TAF2: variants seen among roughly 807,000 people sequenced by gnomAD.
TAF2 encodes the protein transcription initiation factor TFIID subunit 2.
Under a neutral mutation model 138.5 loss-of-function variants are expected in TAF2, and 61 were observed. That is an observed-to-expected ratio of 0.44 (90% confidence interval 0.36 to 0.54). The LOEUF is 0.54. Among genes scored for constraint, TAF2 ranks in the 20% least tolerant of loss-of-function variants. The probability of loss-of-function intolerance (pLI) is 0.00; values close to 1 mark genes in which losing one functional copy is unlikely to be tolerated. For missense variants in TAF2, 1,090 were observed against 1,427.9 expected (o/e 0.76, Z 3.81); for synonymous variants, 475 against 469.9 (o/e 1.01, Z -0.14).
intron 19 of TAF2, 46 bp from the exon 20 acceptor site, chr8:119,760,784 T>C: frequency 6.2e-7 from 1 of 1,611,448 alleles, no homozygotes; most frequent in Non-Finnish European, 8.5e-7. Context: ...TGAGGTATTA[T>C]GAATCAGTTT....
chr8:119,764,466 G>A (rs1821292253), intron 18 of TAF2, among the ~76,000 whole-genome samples: 1 of 152,162 alleles, frequency 6.6e-6, no homozygotes, highest in Non-Finnish European at 1.5e-5. Context: ...ACCAGTGTGT[G>A]CCACACAAAA....
rs564865891 is a variant in TAF2, at chr8:119,768,465, T to C, written c.2365-5857A>G. Among the ~76,000 whole-genome samples, 12 of 147,372 alleles carry C rather than the reference T, an allele frequency of 8.1e-5. No individual in the cohort carries two copies. In the East Asian group the frequency reaches 1.8e-3, roughly 23 times the overall value. On this transcript the variant is annotated intron_variant, in intron 18 of 25. Coordinates refer to ENST00000378164, the MANE Select transcript of TAF2 (RefSeq NM_003184.4). ...CTCCTTCCTCTACCTATTGAAAAAC[T>C]CCTTATTTTTTCCTCTTGGTATTGA...
intron 3 of TAF2, among the ~76,000 whole-genome samples, chr8:119,807,390 A>G (rs1824732698): frequency 6.6e-6 from 1 of 152,236 alleles, no homozygotes; most frequent in African/African-American, 2.4e-5. Context: ...AAAGCAACTT[A>G]TATGTGTACA....
intron 18 of TAF2, among the ~76,000 whole-genome samples, chr8:119,776,871 C>T (rs1320411308): frequency 1.3e-5 from 2 of 150,246 alleles, no homozygotes; most frequent in African/African-American, 4.8e-5. Flanking sequence ...GAGTCTCTCC[C>T]TACATCCTTC....
At chr8:119,804,053 A>C in intron 4 of TAF2, 34 bp from the exon 5 acceptor site, 1 of 1,611,970 alleles carries the variant, frequency 6.2e-7, no homozygotes, top group Non-Finnish European at 8.5e-7. Context: ...ACATTGATAC[A>C]TAAGTTACAG....
intron 6 of TAF2, among the ~76,000 whole-genome samples, chr8:119,799,159 A>G (rs1008011525): frequency 6.7e-6 from 1 of 149,638 alleles, no homozygotes; most frequent in African/African-American, 2.5e-5. Context: ...AAATTTTTTT[A>G]TATTATCATT....
At chr8:119,779,494 G>A (rs1317808501) in intron 17 of TAF2, among the ~76,000 whole-genome samples, 1 of 152,086 alleles carries the variant, frequency 6.6e-6, no homozygotes, top group Non-Finnish European at 1.5e-5. Flanking sequence ...ATATCAGGTG[G>A]ACACAGAAAT....
chr8:119,739,788 G>A (rs919968083), intron 25 of TAF2, among the ~76,000 whole-genome samples: 10 of 150,214 alleles, frequency 6.7e-5, no homozygotes, highest in Admixed American at 1.3e-4. Context: ...GAGATCACAC[G>A]CCTTACTAAA....
At chr8:119,828,053 T>C (rs1826214906) in intron 2 of TAF2, among the ~76,000 whole-genome samples, 2 of 152,138 alleles carry the variant, frequency 1.3e-5, no homozygotes, top group Non-Finnish European at 2.9e-5. Flanking sequence ...AATTCTTGTA[T>C]TTTTAGTAGA....
intron 18 of TAF2, among the ~76,000 whole-genome samples, chr8:119,771,197 T>C (rs1336844848): frequency 6.6e-6 from 1 of 152,118 alleles, no homozygotes; most frequent in Non-Finnish European, 1.5e-5. Context: ...GAAAAAGATA[T>C]ACTACGCAAA....
In TAF2 at chr8:119,730,908, T is replaced by C. The variant is rs1381879286; in HGVS notation, c.*1016A>G. ...AAAATTGAACAGATATAAAAAATAT[T>C]CTTAAACAAATATTAAAGCACATGG... On this transcript the variant is annotated 3_prime_UTR_variant, in exon 26 of 26. Transcript: ENST00000378164. 1 of 152,152 alleles carries C rather than the reference T, an allele frequency of 6.6e-6. No homozygotes were observed. Among genetic ancestry groups the C allele is most frequent in the Non-Finnish European group, 1.5e-5 (1 of 68,016 alleles). 9.4% of individuals were successfully genotyped at this position (152,152 alleles called of 1,614,324 possible). A position where few individuals can be genotyped will look rare whatever the true frequency, so the allele number is the denominator to read the frequency against.
chr8:119,774,707 T>C (rs1049009729), intron 18 of TAF2, among the ~76,000 whole-genome samples: 1 of 152,112 alleles, frequency 6.6e-6, no homozygotes, highest in Non-Finnish European at 1.5e-5. Context: ...GCAGCAGAGA[T>C]AATAACTTCC....
chr8:119,809,043 C>T (rs1824859884), intron 3 of TAF2, among the ~76,000 whole-genome samples: 1 of 152,202 alleles, frequency 6.6e-6, no homozygotes, highest in Admixed American at 6.5e-5. Flanking sequence ...AAGCCAGGCA[C>T]TGACTTCTTT....
At chr8:119,754,169 T>C (rs148330439) in intron 22 of TAF2, among the ~76,000 whole-genome samples, 40 of 152,310 alleles carry the variant, frequency 2.6e-4, no homozygotes, top group Non-Finnish European at 3.7e-4. Flanking sequence ...ATACCTACTA[T>C]GGTGCCTTTA....
chr8:119,797,886 G>C, intron 6 of TAF2, 40 bp from the exon 7 acceptor site: 1 of 1,594,762 alleles, frequency 6.3e-7, no homozygotes, highest in Non-Finnish European at 8.6e-7. Flanking sequence ...AAATGAAAGA[G>C]TTAAATTTAA....
rs1823218120 is a variant in TAF2, at chr8:119,788,835, C to T, written c.1638G>A (p.Leu546=). ...GAGATGTATAGTCCTGTTTTATTTC[C>T]AGTTCCAAGACATTTCGTTTTCTAT... ...AFNRKRNVLE[L]EIKQDYTSPG... Residue 546 remains leucine (L), a synonymous_variant, in exon 13 of 26, where the codon CTG becomes CTA. Transcript: ENST00000378164. The T allele has an allele frequency of 1.9e-6, 3 of 1,613,908 alleles. No homozygotes were observed. The highest frequency in any genetic ancestry group is 4.5e-5 in the East Asian group (2 of 44,822).
chr8:119,820,149 A>G (rs1488132092), intron 2 of TAF2, among the ~76,000 whole-genome samples: 1 of 152,220 alleles, frequency 6.6e-6, no homozygotes, highest in Non-Finnish European at 1.5e-5. Context: ...CATGAAAAAC[A>G]GTTAAATACA....
At position 119,819,390 on chromosome 8, in the gene TAF2, A is replaced by C; in HGVS notation, c.255T>G (p.Ile85Met). ...AAACTTCCAAGGTTGGGTCATTATA[A>C]ATAAAAGCAGCCTCTAAATCATTGA... ...VRINDLEAAF[I>M]YNDPTLEVCH... The change falls in exon 3 of 26, where the codon ATT becomes ATG. Residue 85 changes from isoleucine (I) to methionine (M), a missense_variant. Transcript: ENST00000378164. 6.2e-7 allele frequency: 1 copy of C among 1,613,134 alleles called. No homozygotes were observed. The highest frequency in any genetic ancestry group is 8.5e-7 in the Non-Finnish European group (1 of 1,179,686).
At chr8:119,745,501 G>A (rs1420180096) in intron 23 of TAF2, among the ~76,000 whole-genome samples, 1 of 151,840 alleles carries the variant, frequency 6.6e-6, no homozygotes, top group Non-Finnish European at 1.5e-5. Context: ...AGAAAATTTA[G>A]GTGAATAAGC....
Sources: gnomAD v4.1 joint callset for allele counts (sites outside exome capture counted in the v4.1 genomes callset) on GRCh38, gnomAD v4.1.1 for gene constraint, MANE v1.5 for transcripts, NCBI Gene and HGNC (gene_info 2026-07-23, HGNC 2026-07-21) for gene names.